BPGM: variants seen among roughly 807,000 people sequenced by gnomAD.
The protein encoded by BPGM is 2,3-bisphosphoglycerate mutase, erythrocyte.
In BPGM, 15 loss-of-function variants were observed where a neutral mutation model predicts 21.6. The observed-to-expected ratio is 0.70, with a 90% CI of 0.47 to 1.07. The LOEUF (loss-of-function observed/expected upper bound fraction) is 1.07. Ranked by LOEUF, BPGM falls within the 50% of genes least tolerant of loss-of-function variation. The pLI is 0.00. For missense variants in BPGM, 273 were observed against 319.0 expected (o/e 0.86, Z 1.10); for synonymous variants, 113 against 116.2 (o/e 0.97, Z 0.18).
intron 1 of BPGM, among the ~76,000 whole-genome samples, chr7:134,654,082 C>G (rs1235381066): frequency 6.6e-6 from 1 of 152,084 alleles, no homozygotes; most frequent in Non-Finnish European, 1.5e-5. Context: ...CTCTCTTTTA[C>G]TAATGAAGTG....
intron 1 of BPGM, among the ~76,000 whole-genome samples, chr7:134,659,358 TACAC>T (rs769225915): frequency 1.4e-5 from 2 of 146,874 alleles, no homozygotes; most frequent in Non-Finnish European, 3.0e-5. Flanking sequence ...TTAACACACT[TACAC>T]ACACCCCTCC....
intron 2 of BPGM, among the ~76,000 whole-genome samples, chr7:134,677,969 A>G (rs1013672251): frequency 1.3e-5 from 2 of 152,216 alleles, no homozygotes; most frequent in Non-Finnish European, 2.9e-5. Context: ...AACTTGTTAC[A>G]TGGAGAAATA....
chr7:134,677,795 C>T (rs1030377384), intron 2 of BPGM, among the ~76,000 whole-genome samples: 1 of 152,152 alleles, frequency 6.6e-6, no homozygotes, highest in Non-Finnish European at 1.5e-5. Context: ...TGTCTTTTAG[C>T]TTGCTGAACT....
At chr7:134,647,778 C>T (rs1158452968) in intron 1 of BPGM, among the ~76,000 whole-genome samples, 3 of 152,102 alleles carry the variant, frequency 2.0e-5, no homozygotes, top group Non-Finnish European at 4.4e-5. Context: ...AAGCAGAACT[C>T]ATGTCAATTT....
At chr7:134,674,281 A>G (rs980256421) in intron 2 of BPGM, among the ~76,000 whole-genome samples, 1 of 152,238 alleles carries the variant, frequency 6.6e-6, no homozygotes, top group Non-Finnish European at 1.5e-5. Context: ...CATTTAAAGT[A>G]TACAATTAAA....
chr7:134,661,845 G>A lies in BPGM; in HGVS notation c.338G>A (p.Arg113Lys), dbSNP rs773642912. ...TTGAATCATGGTGAAGAACAAGTGAGGCTCTGGAGAAGAAGCTACAATGTA... is the reference window on the plus strand; with the variant it reads ...TTGAATCATGGTGAAGAACAAGTGAAGCTCTGGAGAAGAAGCTACAATGTA... ...MALNHGEEQVRLWRRSYNVTP... is the reference protein window; with the variant it reads ...MALNHGEEQVKLWRRSYNVTP... Residue 113 changes from arginine (R) to lysine (K), a missense_variant, in exon 2 of 3, where the codon AGG (arginine) becomes AAG (lysine). Arg to Lys is a conservative substitution (Grantham distance 26). Coordinates refer to ENST00000344924, the MANE Select transcript of BPGM (RefSeq NM_001724.5). This position sits in a 1 kb window ranked among gnomAD's most constrained non-coding sequence, Gnocchi z 4.6. 1 of 1,608,188 alleles carries A rather than the reference G, an allele frequency of 6.2e-7. No individual in the cohort carries two copies. Among genetic ancestry groups the A allele is most frequent in the Admixed American group, 1.7e-5 (1 of 59,502 alleles).
At chr7:134,652,866 C>T (rs915339528) in intron 1 of BPGM, among the ~76,000 whole-genome samples, 4 of 152,108 alleles carry the variant, frequency 2.6e-5, no homozygotes, top group African/African-American at 7.2e-5. Flanking sequence ...TTTTCTTTAT[C>T]TGTTCATCTG....
intron 1 of BPGM, among the ~76,000 whole-genome samples, chr7:134,649,332 T>C (rs1272308354): frequency 6.6e-6 from 1 of 152,220 alleles, no homozygotes; most frequent in South Asian, 2.1e-4. Context: ...AAGTATAATG[T>C]GGCAGAAAAA....
intron 1 of BPGM, among the ~76,000 whole-genome samples, chr7:134,655,160 C>G (rs573467582): frequency 6.6e-6 from 1 of 151,534 alleles, no homozygotes; most frequent in South Asian, 2.1e-4. Flanking sequence ...CAAAACAAAA[C>G]AAAAAAAATA....
At position 134,671,278 on chromosome 7, in the gene BPGM, G is replaced by T. The variant is rs147201447; in HGVS notation, c.602-7575G>T. Among the ~76,000 whole-genome samples the T allele has an allele frequency of 1.3e-4, 20 of 151,702 alleles. No homozygotes were observed. In the East Asian group the frequency reaches 3.9e-3, roughly 29 times the overall value. On this transcript the variant is annotated intron_variant, in intron 2 of 2. Transcript: ENST00000344924. Reference sequence around the variant, plus strand: ...AGCTTTTAACCTCTTTCTGAAATTTGTCTGTACTGTACCTCTGACAAAGTC... The same window carrying T: ...AGCTTTTAACCTCTTTCTGAAATTTTTCTGTACTGTACCTCTGACAAAGTC...
rs747355115 is a variant in BPGM at position 134,662,038 on chromosome 7, A to G, written c.531A>G (p.Val177=). 2 of 1,614,160 alleles carry G rather than the reference A, an allele frequency of 1.2e-6. No individual in the cohort carries two copies. Among genetic ancestry groups the G allele is most frequent in the East Asian group, 4.5e-5 (2 of 44,872 alleles). ...PYWNERIAPE[V]LRGKTILISA... is the part of the protein sequence containing the mutation. The stretch of plus-strand genomic sequence containing the variant: ...GGAATGAAAGGATTGCTCCCGAAGT[A>G]TTACGTGGCAAAACCATTCTGATAT... The change falls in exon 2 of 3, where the codon GTA becomes GTG. Residue 177 remains valine (V), a synonymous_variant. Coordinates refer to ENST00000344924, the MANE Select transcript of BPGM (RefSeq NM_001724.5).
At chr7:134,649,035 A>G (rs1795513575) in intron 1 of BPGM, among the ~76,000 whole-genome samples, 1 of 152,210 alleles carries the variant, frequency 6.6e-6, no homozygotes, top group African/African-American at 2.4e-5. Flanking sequence ...TATGGGTTAC[A>G]TGAGATATTT....
At chr7:134,667,596 A>G (rs919833167) in intron 2 of BPGM, among the ~76,000 whole-genome samples, 8 of 152,232 alleles carry the variant, frequency 5.3e-5, no homozygotes, top group African/African-American at 1.9e-4. Context: ...TAAGAATTGA[A>G]TCTAGAAATG....
At chr7:134,666,165 A>C (rs1291727497) in intron 2 of BPGM, among the ~76,000 whole-genome samples, 1 of 152,196 alleles carries the variant, frequency 6.6e-6, no homozygotes, top group Non-Finnish European at 1.5e-5. Context: ...GGCATGAGCC[A>C]CTGCGCACCT....
chr7:134,654,408 C>G (rs1043978577), intron 1 of BPGM, among the ~76,000 whole-genome samples: 3 of 152,134 alleles, frequency 2.0e-5, no homozygotes, highest in African/African-American at 7.2e-5. Context: ...GGCATAGATA[C>G]AGACTTCTCG....
intron 2 of BPGM, among the ~76,000 whole-genome samples, chr7:134,667,053 A>G (rs1377068912): frequency 6.6e-6 from 1 of 152,160 alleles, no homozygotes; most frequent in Non-Finnish European, 1.5e-5. Context: ...CCACAGCTCA[A>G]GTTACAGGGT....
At chr7:134,656,361 A>G (rs1733190717) in intron 1 of BPGM, among the ~76,000 whole-genome samples, 1 of 152,104 alleles carries the variant, frequency 6.6e-6, no homozygotes, top group Non-Finnish European at 1.5e-5. Flanking sequence ...ACATACTGTG[A>G]AAAAAAAGAA....
At chr7:134,649,611 TA>T (rs1795524949) in intron 1 of BPGM, among the ~76,000 whole-genome samples, 1 of 152,206 alleles carries the variant, frequency 6.6e-6, no homozygotes, top group African/African-American at 2.4e-5. Flanking sequence ...AAGTATTACT[TA>T]ATAACAAAAC....
chr7:134,667,177 A>G (rs1243544710), intron 2 of BPGM, among the ~76,000 whole-genome samples: 2 of 152,212 alleles, frequency 1.3e-5, no homozygotes, highest in African/African-American at 2.4e-5. Context: ...TTAGGGGGGA[A>G]ATAAAGGTTT....
Sources: allele counts gnomAD v4.1 joint callset (sites outside exome capture counted in the v4.1 genomes callset), GRCh38; gene constraint gnomAD v4.1.1; non-coding constraint Gnocchi (gnomAD v3.1); transcripts MANE v1.5; gene names NCBI Gene and HGNC (gene_info 2026-07-23, HGNC 2026-07-21).